SLC12A4: variants seen among roughly 807,000 people sequenced by gnomAD.
SLC12A4 encodes electroneutral potassium-chloride cotransporter 1.
A neutral mutation model predicts 119.2 loss-of-function variants in SLC12A4; 84 were observed. The observed-to-expected ratio is 0.70, with a 90% CI of 0.59 to 0.85. The LOEUF is 0.85. Among genes scored for constraint, SLC12A4 ranks in the 40% least tolerant of loss-of-function variants. SLC12A4 has a pLI of 0.00. For synonymous variants in SLC12A4, 599 were observed against 604.6 expected, an observed-to-expected ratio of 0.99 and a Z score of 0.14; for missense variants, 1,298 against 1,476.3, an observed-to-expected ratio of 0.88 and a Z score of 1.98.
chr16:67,945,027 G>T (rs762182522), intron 23 of SLC12A4, 60 bp downstream of exon 23: 2 of 1,595,690 alleles, frequency 1.3e-6, no homozygotes. Context: ...GAGAGAAGCC[G>T]CTGGCTTGAC....
rs1232881837 is a variant in SLC12A4, at chr16:67,949,529, C to T, written c.1748+271G>A. 1.7e-5 allele frequency: 6 copies of T among 349,702 alleles called. No homozygotes were observed. The highest frequency in any genetic ancestry group is 9.9e-5 in the Admixed American group (2 of 20,222). The allele number at this position is 349,702 out of a possible 1,614,324, so 21.7% of individuals were successfully genotyped here. On this transcript the variant is annotated intron_variant, in intron 13 of 23. Transcript: ENST00000316341. This position sits in a 1 kb window ranked among gnomAD's most constrained non-coding sequence, Gnocchi z 4.6. The stretch of plus-strand genomic sequence containing the variant: ...TGGCTTCATGGAGGCATGAGGGACG[C>T]GGTGGTTGCCCTGTCCAGTGGGAAG...
In SLC12A4 at chr16:67,968,586, C is replaced by A; in HGVS notation, c.-33G>T. Reference sequence around the variant, plus strand: ...GCTCGGCCCCGCCGCACCCGCCGTCCCAGCCGCCCGCCGCTGTCCCCGCCG... The same window carrying A: ...GCTCGGCCCCGCCGCACCCGCCGTCACAGCCGCCCGCCGCTGTCCCCGCCG... On this transcript the variant is annotated 5_prime_UTR_variant, in exon 1 of 24. Transcript: ENST00000316341. The A allele has an allele frequency of 6.8e-7, 1 of 1,470,230 alleles. No homozygotes were observed. The highest frequency in any genetic ancestry group is 3.0e-5 in the East Asian group (1 of 33,476). 91.1% of individuals were successfully genotyped at this position (1,470,230 alleles called of 1,614,324 possible).
chr16:67,957,845 G>C (rs1338414348), intron 4 of SLC12A4, 49 bp from the exon 5 acceptor site: 3 of 1,613,850 alleles, frequency 1.9e-6, no homozygotes, highest in South Asian at 2.2e-5. Context: ...TGGGCTCTGT[G>C]GGGGCAGCCG....
rs1189065675 is a variant in SLC12A4 at position 67,944,672 on chromosome 16, T to A, written c.*168A>T. The A allele has an allele frequency of 1.4e-6, 2 of 1,425,104 alleles. No individual in the cohort carries two copies. The highest frequency in any genetic ancestry group is 5.7e-5 in the Admixed American group (2 of 34,856). The allele number at this position is 1,425,104 out of a possible 1,614,324, so 88.3% of individuals were successfully genotyped here. ...CACAAGACCTGGGATCCATCTCCAT[T>A]TTGAGGCCCAGGCCTGGTTTCCAAG... On this transcript the variant is annotated 3_prime_UTR_variant, in exon 24 of 24. Transcript: ENST00000316341. The surrounding 1 kb of genome is among the most constrained non-coding windows in gnomAD (Gnocchi z 6.6).
rs1055134455 is a variant in SLC12A4, at chr16:67,949,964, C to G, written c.1630-46G>C. ...GCTGGGTCCTGTCACCCCCATTCCA[C>G]ACCTTGGGCCCCAGACCCCAGCCTG... On this transcript the variant is annotated intron_variant, in intron 12 of 23. Coordinates refer to ENST00000316341, the MANE Select transcript of SLC12A4 (RefSeq NM_005072.5). This position sits in a 1 kb window ranked among gnomAD's most constrained non-coding sequence, Gnocchi z 4.6. 6.8e-7 allele frequency: 1 copy of G among 1,464,130 alleles called. No homozygotes were observed. The allele number at this position is 1,464,130 out of a possible 1,614,324, so 90.7% of individuals were successfully genotyped here.
At position 67,944,369 on chromosome 16, in the gene SLC12A4, G is replaced by A. The variant is rs939526226; in HGVS notation, c.*471C>T. On this transcript the variant is annotated 3_prime_UTR_variant, in exon 24 of 24. Transcript: ENST00000316341. The surrounding 1 kb of genome is among the most constrained non-coding windows in gnomAD (Gnocchi z 6.6). ...GTTTTATTGAAAAAGTCAGGCCTCA[G>A]CTCAGCTGTCTCCATTCGGCTCAGC... The A allele has an allele frequency of 1.5e-6, 2 of 1,346,170 alleles. No homozygotes were observed. Among genetic ancestry groups the A allele is most frequent in the Non-Finnish European group, 1.9e-6 (2 of 1,049,832 alleles). 83.4% of individuals were successfully genotyped at this position (1,346,170 alleles called of 1,614,324 possible).
At chr16:67,962,145 A>G (rs2030613465) in intron 2 of SLC12A4, 1 of 159,916 alleles carries the variant, frequency 6.3e-6, no homozygotes, top group African/African-American at 2.4e-5. Context: ...CAAAGAGGGC[A>G]AAAGAGTGAT....
At chr16:67,957,659 T>C (rs1262632140) in intron 5 of SLC12A4, 83 bp downstream of exon 5, 1 of 1,510,336 alleles carries the variant, frequency 6.6e-7, no homozygotes, top group African/African-American at 1.4e-5. Flanking sequence ...GGGGCAGGGG[T>C]GTGCTATGGG....
chr16:67,964,076 C>G, intron 1 of SLC12A4: 2 of 1,536,484 alleles, frequency 1.3e-6, no homozygotes, highest in South Asian at 1.2e-5. Flanking sequence ...GCGCGGGGGG[C>G]GTCCTGCAGG....
Position 67,944,148 on chromosome 16 carries a change from T to C in SLC12A4, c.*692A>G, listed in dbSNP as rs1486361482. On this transcript the variant is annotated 3_prime_UTR_variant, in exon 24 of 24. Transcript: ENST00000316341. The surrounding 1 kb of genome is among the most constrained non-coding windows in gnomAD (Gnocchi z 6.6). ...CAGAGAAAGCGGCACTGGGCTGTCCTTATCTGGTGTGGGAGTGGGAGGGGC... is the reference window on the plus strand; with the variant it reads ...CAGAGAAAGCGGCACTGGGCTGTCCCTATCTGGTGTGGGAGTGGGAGGGGC... 6.5e-7 allele frequency: 1 copy of C among 1,532,246 alleles called. No homozygotes were observed. Among genetic ancestry groups the C allele is most frequent in the African/African-American group, 1.4e-5 (1 of 72,784 alleles). 94.9% of individuals were successfully genotyped at this position (1,532,246 alleles called of 1,614,324 possible). A position where few individuals can be genotyped will look rare whatever the true frequency, so the allele number is the denominator to read the frequency against.
rs545092319 is a variant in SLC12A4 at position 67,954,495 on chromosome 16, A to T, written c.675+148T>A. 88 of 952,082 alleles carry T rather than the reference A, an allele frequency of 9.2e-5. No homozygotes were observed. In the African/African-American group the frequency reaches 1.3e-3, roughly 14 times the overall value. 59.0% of individuals were successfully genotyped at this position (952,082 alleles called of 1,614,324 possible). A position where few individuals can be genotyped will look rare whatever the true frequency, so the allele number is the denominator to read the frequency against. Reference sequence around the variant, plus strand: ...GTGAAAGGAAGACCAGCCTGAGTAAAGGTCTTTGTCTCTCGAAGAGGCTTC... The same window carrying T: ...GTGAAAGGAAGACCAGCCTGAGTAATGGTCTTTGTCTCTCGAAGAGGCTTC... On this transcript the variant is annotated intron_variant, in intron 6 of 23. Coordinates refer to ENST00000316341, the MANE Select transcript of SLC12A4 (RefSeq NM_005072.5).
chr16:67,957,231 G>A (rs2030315716), intron 5 of SLC12A4, among the ~76,000 whole-genome samples: 2 of 149,654 alleles, frequency 1.3e-5, no homozygotes, highest in African/African-American at 5.0e-5. Context: ...GTGCAGTGGT[G>A]CAATCTCGGC....
chr16:67,967,103 T>C (rs2030900828), intron 1 of SLC12A4, among the ~76,000 whole-genome samples: 1 of 152,214 alleles, frequency 6.6e-6, no homozygotes. Flanking sequence ...GACAAGGGCA[T>C]GGAGGCTGGG....
chr16:67,950,265 G>A lies in SLC12A4; in HGVS notation c.1629+54C>T. ...TCTGTGTTCCCTATCTCTCTCCCCA[G>A]CCGGGCGAGGGCCTGGGAGCAGCCA... On this transcript the variant is annotated intron_variant, in intron 12 of 23. Coordinates refer to ENST00000316341, the MANE Select transcript of SLC12A4 (RefSeq NM_005072.5). The surrounding 1 kb of genome is among the most constrained non-coding windows in gnomAD (Gnocchi z 4.3). 6.3e-7 allele frequency: 1 copy of A among 1,580,780 alleles called. No homozygotes were observed. Among genetic ancestry groups the A allele is most frequent in the Admixed American group, 1.8e-5 (1 of 56,578 alleles).
chr16:67,944,280 G>T lies in SLC12A4; in HGVS notation c.*560C>A, dbSNP rs547072419. On this transcript the variant is annotated 3_prime_UTR_variant, in exon 24 of 24. Coordinates refer to ENST00000316341, the MANE Select transcript of SLC12A4 (RefSeq NM_005072.5). The surrounding 1 kb of genome is among the most constrained non-coding windows in gnomAD (Gnocchi z 6.6). Reference sequence around the variant, plus strand: ...CGGCTCTGGGCCTGGGTTCAGTTCCGCCTTCTTCTCTTGGCGCCAGGGGAA... The same window carrying T: ...CGGCTCTGGGCCTGGGTTCAGTTCCTCCTTCTTCTCTTGGCGCCAGGGGAA... The T allele has an allele frequency of 1.4e-6, 2 of 1,415,912 alleles. No individual in the cohort carries two copies. Among genetic ancestry groups the T allele is most frequent in the Non-Finnish European group, 1.8e-6 (2 of 1,087,042 alleles). The allele number at this position is 1,415,912 out of a possible 1,614,324, so 87.7% of individuals were successfully genotyped here.
Position 67,951,599 on chromosome 16 carries a change from G to A in SLC12A4, c.1132+224C>T. On this transcript the variant is annotated intron_variant, in intron 8 of 23. Coordinates refer to ENST00000316341, the MANE Select transcript of SLC12A4 (RefSeq NM_005072.5). The surrounding 1 kb of genome is among the most constrained non-coding windows in gnomAD (Gnocchi z 5.2). ...CATCCCCAGGCAGTGTCAGGGGCTG[G>A]TGGCTGGGGAAGACAGGCTGCTGCA... The A allele has an allele frequency of 3.3e-6, 2 of 611,698 alleles. No individual in the cohort carries two copies. Among genetic ancestry groups the A allele is most frequent in the Non-Finnish European group, 5.7e-6 (2 of 348,100 alleles). The allele number at this position is 611,698 out of a possible 1,614,324, so 37.9% of individuals were successfully genotyped here.
intron 1 of SLC12A4, among the ~76,000 whole-genome samples, chr16:67,965,221 T>C (rs2030809416): frequency 2.0e-5 from 3 of 152,208 alleles, no homozygotes; most frequent in East Asian, 3.8e-4. Flanking sequence ...AAGAAAAATC[T>C]GAAAACCCAG....
chr16:67,957,822 C>T (rs369193012), intron 4 of SLC12A4, 26 bp from the exon 5 acceptor site: 64 of 1,614,004 alleles, frequency 4.0e-5, no homozygotes, highest in East Asian at 1.1e-4. Context: ...CCTGGGTGAG[C>T]GGCTCAGCTG....
intron 1 of SLC12A4, among the ~76,000 whole-genome samples, chr16:67,965,161 TATG>T (rs1223819286): frequency 7.2e-5 from 11 of 152,216 alleles, no homozygotes; most frequent in African/African-American, 2.4e-5. Flanking sequence ...TCGGACACTC[TATG>T]ATATCTGCTG....
Sources: gnomAD v4.1 joint callset for allele counts (sites outside exome capture counted in the v4.1 genomes callset) on GRCh38, gnomAD v4.1.1 for gene constraint, Gnocchi (gnomAD v3.1) non-coding constraint, MANE v1.5 for transcripts, NCBI Gene and HGNC (gene_info 2026-07-23, HGNC 2026-07-21) for gene names.